The following TMEM50A variants were observed in gnomAD, a reference collection of about 807,000 sequenced individuals.
TMEM50A encodes transmembrane protein 50A, also known as cervical cancer oncogene 9.
In TMEM50A, 8 loss-of-function variants were observed where a neutral mutation model predicts 23.9. The observed-to-expected ratio is 0.33, with a 90% CI of 0.20 to 0.60. TMEM50A has a LOEUF of 0.60. Among genes scored for constraint, TMEM50A ranks in the 20% least tolerant of loss-of-function variants. The pLI, the probability that TMEM50A is intolerant of heterozygous loss-of-function variation, is 0.81. For synonymous variants in TMEM50A, 55 were observed against 60.4 expected (o/e 0.91, Z 0.41); for missense variants, 178 against 192.7 (o/e 0.92, Z 0.45).
Position 25,362,099 on chromosome 1 carries a change from C to G in TMEM50A, c.*1394C>G. On this transcript the variant is annotated 3_prime_UTR_variant, in exon 7 of 7. Coordinates refer to ENST00000374358, the MANE Select transcript of TMEM50A (RefSeq NM_014313.4). The stretch of plus-strand genomic sequence containing the variant: ...AGGGAATGCCAGCCACCTTGTAAAA[C>G]TGCTGGGAGAAAAGCATGATTCCCA... 3.2e-6 allele frequency: 1 copy of G among 309,386 alleles called. No homozygotes were observed. The highest frequency in any genetic ancestry group is 6.2e-6 in the Non-Finnish European group (1 of 162,590). 19.2% of individuals were successfully genotyped at this position (309,386 alleles called of 1,614,324 possible). A position where few individuals can be genotyped will look rare whatever the true frequency, so the allele number is the denominator to read the frequency against.
At chr1:25,351,595 C>A in intron 3 of TMEM50A, 31 bp from the exon 4 acceptor site, 1 of 1,581,416 alleles carries the variant, frequency 6.3e-7, no homozygotes, top group South Asian at 1.2e-5. Flanking sequence ...GTCATGGACC[C>A]TGATTTCTTG....
chr1:25,357,950 CT>C (rs71577759), intron 6 of TMEM50A, among the ~76,000 whole-genome samples: 9,012 of 125,580 alleles, frequency 0.072, 852 homozygotes, highest in African/African-American at 0.23. Flanking sequence ...ATCAGGAGTT[CT>C]TTTTTTTTTT....
At chr1:25,338,881 G>A (rs1242552850) in intron 1 of TMEM50A, 2 of 152,104 alleles carry the variant, frequency 1.3e-5, no homozygotes, top group Non-Finnish European at 2.9e-5. Flanking sequence ...TGGAGGGCGG[G>A]GTCTGGCTTG....
chr1:25,346,234 C>G (rs977909032), intron 3 of TMEM50A, among the ~76,000 whole-genome samples: 1 of 152,026 alleles, frequency 6.6e-6, no homozygotes, highest in Non-Finnish European at 1.5e-5. Context: ...GATCAACTCT[C>G]TCTGTGGGCC....
intron 5 of TMEM50A, among the ~76,000 whole-genome samples, chr1:25,355,457 C>T (rs1193661516): frequency 6.6e-6 from 1 of 152,190 alleles, no homozygotes; most frequent in Admixed American, 6.5e-5. Flanking sequence ...ACTATTAATA[C>T]AGGGTCCCTT....
intron 3 of TMEM50A, among the ~76,000 whole-genome samples, chr1:25,345,897 C>T (rs939989986): frequency 1.3e-5 from 2 of 151,602 alleles, no homozygotes; most frequent in Admixed American, 1.3e-4. Flanking sequence ...AATTGATTCT[C>T]CTGCATCAGC....
rs1645423125 is a variant in TMEM50A, at chr1:25,362,339, TATTAA to T, written c.*1638_*1642del. On this transcript the variant is annotated 3_prime_UTR_variant, in exon 7 of 7. Coordinates refer to ENST00000374358, the MANE Select transcript of TMEM50A (RefSeq NM_014313.4). Reference sequence around the variant, plus strand: ...TGAAACTAAACATTTATTTTAAACTTATTAAATTGACTCTTAAACTAAGTTTTTAG... The same window carrying T: ...TGAAACTAAACATTTATTTTAAACTTATTGACTCTTAAACTAAGTTTTTAG... 4 of 1,305,032 alleles carry T rather than the reference TATTAA, an allele frequency of 3.1e-6. No individual in the cohort carries two copies. Among genetic ancestry groups the T allele is most frequent in the Non-Finnish European group, 3.2e-6 (3 of 940,474 alleles). 80.8% of individuals were successfully genotyped at this position (1,305,032 alleles called of 1,614,324 possible). A position where few individuals can be genotyped will look rare whatever the true frequency, so the allele number is the denominator to read the frequency against.
rs3093658 is a variant in TMEM50A at position 25,362,301 on chromosome 1, A to G, written c.*1596A>G. 6.3e-6 allele frequency: 6 copies of G among 957,400 alleles called. No individual in the cohort carries two copies. The highest frequency in any genetic ancestry group is 9.3e-6 in the Non-Finnish European group (6 of 647,410). 59.3% of individuals were successfully genotyped at this position (957,400 alleles called of 1,614,324 possible). The stretch of plus-strand genomic sequence containing the variant: ...TGTCTGTAACCAAGAAAATATTGAT[A>G]GCATCATCCTAATGAAACTAAACAT... On this transcript the variant is annotated 3_prime_UTR_variant, in exon 7 of 7. Coordinates refer to ENST00000374358, the MANE Select transcript of TMEM50A (RefSeq NM_014313.4).
chr1:25,343,101 T>TA lies in TMEM50A; in HGVS notation c.206+29dup, dbSNP rs769787286. On this transcript the variant is annotated intron_variant, in intron 3 of 6. Coordinates refer to ENST00000374358, the MANE Select transcript of TMEM50A (RefSeq NM_014313.4). ...AAGTGTCATCGTAATTGGCATTACT[T>TA]ACATAGCTTGCCACAAAATAAAAAT... 2.0e-6 allele frequency: 3 copies of TA among 1,527,950 alleles called. No individual in the cohort carries two copies. The South Asian group carries it at 3.5e-5, about 18-fold the overall frequency. 94.6% of individuals were successfully genotyped at this position (1,527,950 alleles called of 1,614,324 possible). A position where few individuals can be genotyped will look rare whatever the true frequency, so the allele number is the denominator to read the frequency against.
Position 25,338,363 on chromosome 1 carries a change from G to A in TMEM50A, c.-107G>A, listed in dbSNP as rs1645122234. On this transcript the variant is annotated 5_prime_UTR_variant, in exon 1 of 7. Transcript: ENST00000374358. ...CTGCATCCGGGTGTCTGGAGGCTGT[G>A]GCCGTTTTGTTTTCTTGGCTAAAAT... The A allele has an allele frequency of 6.5e-6, 1 of 152,948 alleles. No individual in the cohort carries two copies. The highest frequency in any genetic ancestry group is 2.1e-4 in the South Asian group (1 of 4,856). 9.5% of individuals were successfully genotyped at this position (152,948 alleles called of 1,614,324 possible).
At chr1:25,352,845 T>A in intron 4 of TMEM50A, 37 bp from the exon 5 acceptor site, 1 of 1,591,178 alleles carries the variant, frequency 6.3e-7, no homozygotes. Flanking sequence ...TACTGCCCTA[T>A]AAGAAAGAAT....
chr1:25,359,055 C>T (rs534885185), intron 6 of TMEM50A, among the ~76,000 whole-genome samples: 46 of 152,288 alleles, frequency 3.0e-4, no homozygotes, highest in Admixed American at 4.6e-4. Context: ...GTGTCTGGCT[C>T]ATAGCCCCCA....
intron 1 of TMEM50A, among the ~76,000 whole-genome samples, chr1:25,339,835 A>G (rs1023469594): frequency 2.0e-5 from 3 of 152,244 alleles, no homozygotes; most frequent in African/African-American, 7.2e-5. Flanking sequence ...AGGATGTGAC[A>G]GATTTTCAGG....
chr1:25,345,304 G>A (rs1645203092), intron 3 of TMEM50A, among the ~76,000 whole-genome samples: 1 of 152,128 alleles, frequency 6.6e-6, no homozygotes, highest in African/African-American at 2.4e-5. Flanking sequence ...AAAAAGGCTG[G>A]GCGCAATGGC....
At chr1:25,346,926 G>A (rs1395648015) in intron 3 of TMEM50A, among the ~76,000 whole-genome samples, 1 of 152,048 alleles carries the variant, frequency 6.6e-6, no homozygotes, top group Non-Finnish European at 1.5e-5. Flanking sequence ...AGGCTGAGGT[G>A]GGGAATCACT....
At chr1:25,341,012 C>A (rs1645161057) in intron 2 of TMEM50A, among the ~76,000 whole-genome samples, 1 of 152,082 alleles carries the variant, frequency 6.6e-6, no homozygotes, top group Admixed American at 6.6e-5. Context: ...TGGAATAATA[C>A]AGAGAAGATT....
rs544949447 is a variant in TMEM50A at position 25,362,125 on chromosome 1, CA to C, written c.*1422del. The stretch of plus-strand genomic sequence containing the variant: ...TGCTGGGAGAAAAGCATGATTCCCA[CA>C]AGGACTAAGTATCAGTGATTTGTAA... On this transcript the variant is annotated 3_prime_UTR_variant, in exon 7 of 7. Transcript: ENST00000374358. 3.7e-4 allele frequency: 121 copies of C among 331,376 alleles called. 1 individual carries two copies. The highest frequency in any genetic ancestry group is 2.4e-3 in the African/African-American group (112 of 46,626). The allele number at this position is 331,376 out of a possible 1,614,324, so 20.5% of individuals were successfully genotyped here.
At chr1:25,341,039 AT>A (rs202044501) in intron 2 of TMEM50A, among the ~76,000 whole-genome samples, 3 of 151,828 alleles carry the variant, frequency 2.0e-5, no homozygotes, top group Admixed American at 1.3e-4. Context: ...GCCCCTTAAA[AT>A]TTTTTTTTAA....
At chr1:25,359,940 C>G (rs1409064866) in intron 6 of TMEM50A, among the ~76,000 whole-genome samples, 1 of 152,128 alleles carries the variant, frequency 6.6e-6, no homozygotes, top group African/African-American at 2.4e-5. Flanking sequence ...CTTCCCCAAC[C>G]ACCCCCACAC....
Sources: gnomAD v4.1 joint callset for allele counts (sites outside exome capture counted in the v4.1 genomes callset) on GRCh38, gnomAD v4.1.1 for gene constraint, MANE v1.5 for transcripts, NCBI Gene and HGNC (gene_info 2026-07-23, HGNC 2026-07-21) for gene names.